MYBPC1: variants seen among roughly 807,000 people sequenced by gnomAD.
MYBPC1 encodes the protein myosin-binding protein C, slow-type.
A neutral mutation model predicts 147.1 loss-of-function variants in MYBPC1; 52 were observed. The observed-to-expected ratio is 0.35, with a 90% CI of 0.28 to 0.45. The LOEUF is 0.45. Among genes scored for constraint, MYBPC1 ranks in the 20% least tolerant of loss-of-function variants. MYBPC1 has a pLI of 1.00. For missense variants in MYBPC1, 1,228 were observed against 1,440.3 expected (o/e 0.85, Z 2.39); for synonymous variants, 477 against 475.9 (o/e 1.00, Z -0.03).
intron 9 of MYBPC1, among the ~76,000 whole-genome samples, chr12:101,635,783 C>A (rs941258990): frequency 3.9e-5 from 6 of 152,148 alleles, no homozygotes; most frequent in Non-Finnish European, 7.4e-5. Flanking sequence ...TGTTTTTAAA[C>A]CCACAGACTC....
intron 9 of MYBPC1, among the ~76,000 whole-genome samples, chr12:101,636,022 C>T (rs1890909493): frequency 6.6e-6 from 1 of 152,054 alleles, no homozygotes; most frequent in African/African-American, 2.4e-5. Context: ...CAATTCAAGA[C>T]AAATTTTTTT....
At chr12:101,640,518 A>C (rs1004665332) in intron 10 of MYBPC1, among the ~76,000 whole-genome samples, 1 of 152,202 alleles carries the variant, frequency 6.6e-6, no homozygotes, top group Non-Finnish European at 1.5e-5. Flanking sequence ...TGAGATGAAG[A>C]TAATGCTTGT....
At chr12:101,646,392 A>G (rs1316063447) in intron 12 of MYBPC1, among the ~76,000 whole-genome samples, 1 of 152,184 alleles carries the variant, frequency 6.6e-6, no homozygotes, top group Admixed American at 6.5e-5. Context: ...CACGCCTGTA[A>G]TCCCAACACT....
intron 23 of MYBPC1, among the ~76,000 whole-genome samples, chr12:101,669,676 C>T (rs1280576747): frequency 6.6e-6 from 1 of 152,128 alleles, no homozygotes; most frequent in Non-Finnish European, 1.5e-5. Flanking sequence ...GTGGCTCATG[C>T]CGGTAATCCC....
At chr12:101,671,498 C>A (rs559599856) in intron 24 of MYBPC1, among the ~76,000 whole-genome samples, 1 of 152,186 alleles carries the variant, frequency 6.6e-6, no homozygotes, top group Non-Finnish European at 1.5e-5. Flanking sequence ...CTACATACCC[C>A]CGGCATGAAA....
At chr12:101,648,186 A>T in intron 14 of MYBPC1, 36 bp downstream of exon 14, 1 of 1,479,322 alleles carries the variant, frequency 6.8e-7, no homozygotes, top group South Asian at 1.2e-5. Context: ...CATGTTTAAT[A>T]GACAAAAAAA....
Position 101,636,583 on chromosome 12 carries a change from C to T in MYBPC1, c.609-89C>T. The stretch of plus-strand genomic sequence containing the variant: ...TTAGTCCTTGTGTGGCACAAAATTG[C>T]ATATACGTTACATGTAGAGTGTTTG... On this transcript the variant is annotated intron_variant, in intron 9 of 31. Transcript: ENST00000361466. 3.8e-6 allele frequency: 4 copies of T among 1,044,376 alleles called. No individual in the cohort carries two copies. In the South Asian group the frequency reaches 3.9e-5, roughly 10 times the overall value. 64.7% of individuals were successfully genotyped at this position (1,044,376 alleles called of 1,614,324 possible).
rs12298891 is a variant in MYBPC1, at chr12:101,631,530, G to A, written c.290-41G>A. On this transcript the variant is annotated intron_variant, in intron 6 of 31. Coordinates refer to ENST00000361466, the MANE Select transcript of MYBPC1 (RefSeq NM_002465.4). Reference sequence around the variant, plus strand: ...TCCAGTTGAAAGCAAAACAAATGACGCTTGTTAAAGAGCAAGCTGAATCCC... The same window carrying A: ...TCCAGTTGAAAGCAAAACAAATGACACTTGTTAAAGAGCAAGCTGAATCCC... 1.6e-4 allele frequency: 255 copies of A among 1,609,062 alleles called. 1 individual carries two copies. In the African/African-American group the frequency reaches 2.5e-3, roughly 16 times the overall value.
chr12:101,602,186 A>G (rs1286587421), intron 1 of MYBPC1, among the ~76,000 whole-genome samples: 1 of 152,108 alleles, frequency 6.6e-6, no homozygotes, highest in Admixed American at 6.6e-5. Context: ...AATTAACTGA[A>G]ATACACCAGG....
intron 26 of MYBPC1, among the ~76,000 whole-genome samples, chr12:101,677,024 G>A (rs1342365990): frequency 6.6e-6 from 1 of 152,158 alleles, no homozygotes; most frequent in Non-Finnish European, 1.5e-5. Context: ...AAATTACATA[G>A]TCAATTGCAA....
intron 10 of MYBPC1, 144 bp downstream of exon 10, chr12:101,636,872 G>T: frequency 1.4e-6 from 1 of 691,588 alleles, no homozygotes; most frequent in Non-Finnish European, 2.5e-6. Flanking sequence ...TAACAGAGTT[G>T]ACTAGAAAGA....
intron 13 of MYBPC1, 86 bp from the exon 14 acceptor site, chr12:101,647,959 T>C: frequency 2.8e-6 from 3 of 1,074,084 alleles, no homozygotes; most frequent in Non-Finnish European, 4.3e-6. Flanking sequence ...TTTCTCACTG[T>C]TGGTTTTTCA....
At chr12:101,680,224 T>G in intron 28 of MYBPC1, 119 bp from the exon 29 acceptor site, 1 of 971,780 alleles carries the variant, frequency 1.0e-6, no homozygotes, top group Non-Finnish European at 1.6e-6. Flanking sequence ...AAGTCTATCC[T>G]TCTCAGATGC....
chr12:101,669,940 G>GAA, intron 23 of MYBPC1: 11 of 187,916 alleles, frequency 5.9e-5, no homozygotes, highest in South Asian at 1.5e-4. Flanking sequence ...AAAAAAAAAA[G>GAA]AAAAAAAAAA....
rs181999422 is a variant in MYBPC1, at chr12:101,609,300, T to A, written c.26-5196T>A. On this transcript the variant is annotated intron_variant, in intron 1 of 31. Coordinates refer to ENST00000361466, the MANE Select transcript of MYBPC1 (RefSeq NM_002465.4). ...TTTTAGTTTTAAAATTAAAAAAAAATTTTTTTCTGGAGATGGGGTCTTGCT... is the reference window on the plus strand; with the variant it reads ...TTTTAGTTTTAAAATTAAAAAAAAAATTTTTTCTGGAGATGGGGTCTTGCT... Among the ~76,000 whole-genome samples the A allele has an allele frequency of 7.0e-3, 1,066 of 151,824 alleles. 11 individuals carry two copies. Among genetic ancestry groups the A allele is most frequent in the African/African-American group, 0.024 (995 of 41,380 alleles).
chr12:101,605,414 A>G (rs1443822633), intron 1 of MYBPC1, among the ~76,000 whole-genome samples: 2 of 152,222 alleles, frequency 1.3e-5, no homozygotes, highest in African/African-American at 4.8e-5. Context: ...CAGTGGTTCA[A>G]ACCTTTTGGT....
At chr12:101,677,147 C>G in intron 26 of MYBPC1, 88 bp from the exon 27 acceptor site, 2 of 1,313,722 alleles carry the variant, frequency 1.5e-6, no homozygotes, top group Non-Finnish European at 2.1e-6. Flanking sequence ...GTTAATAAAG[C>G]ATCCTTGTTA....
Position 101,667,736 on chromosome 12 carries a change from G to A in MYBPC1, c.2361G>A (p.Glu787=), listed in dbSNP as rs748190046. The part of the protein sequence containing the change: ...YVLEYCFEGT[E]DWIVANKDLI... ...CTTTTCTTTTACGGACTTCAGCTGA[G>A]GACTGGATAGTTGCAAACAAAGATC... The change falls in exon 23 of 32, where the codon GAG becomes GAA. Residue 787 remains glutamate (E), a synonymous_variant. Transcript: ENST00000361466. 5.9e-5 allele frequency: 95 copies of A among 1,613,930 alleles called. No homozygotes were observed. In the Admixed American group the frequency reaches 1.6e-3, roughly 27 times the overall value.
At position 101,685,845 on chromosome 12, in the gene MYBPC1, A is replaced by C. The variant is rs908618938; in HGVS notation, c.*283A>C. Reference sequence around the variant, plus strand: ...AAAAAAAAGTTTGCCCAGATTGCTTAATTAAAAATTGCAAACAAAATCTCA... The same window carrying C: ...AAAAAAAAGTTTGCCCAGATTGCTTCATTAAAAATTGCAAACAAAATCTCA... On this transcript the variant is annotated 3_prime_UTR_variant, in exon 32 of 32. Transcript: ENST00000361466. 13 of 551,886 alleles carry C rather than the reference A, an allele frequency of 2.4e-5. No individual in the cohort carries two copies. In the African/African-American group the frequency reaches 2.5e-4, roughly 11 times the overall value. The allele number at this position is 551,886 out of a possible 1,614,324, so 34.2% of individuals were successfully genotyped here.
Sources: allele counts gnomAD v4.1 joint callset (sites outside exome capture counted in the v4.1 genomes callset), GRCh38; gene constraint gnomAD v4.1.1; transcripts MANE v1.5; gene names NCBI Gene and HGNC (gene_info 2026-07-23, HGNC 2026-07-21).